The following ARHGEF33 variants were observed in gnomAD, a reference collection of about 807,000 sequenced individuals.
ARHGEF33 encodes Rho guanine nucleotide exchange factor 33.
A neutral mutation model predicts 101.9 loss-of-function variants in ARHGEF33; 72 were observed. That is an observed-to-expected ratio of 0.71 (90% CI 0.58 to 0.86). The LOEUF is 0.86. ARHGEF33 is among the 40% of genes least tolerant of loss of function. The probability of loss-of-function intolerance (pLI) is 0.00; values close to 1 mark genes in which losing one functional copy is unlikely to be tolerated. For synonymous variants in ARHGEF33, 499 were observed against 442.5 expected, an observed-to-expected ratio of 1.13 and a Z score of -1.60; for missense variants, 1,169 against 1,111.3, an observed-to-expected ratio of 1.05 and a Z score of -0.74.
intron 2 of ARHGEF33, among the ~76,000 whole-genome samples, chr2:38,901,127 G>A (rs1207403044): frequency 6.6e-6 from 1 of 151,992 alleles, no homozygotes; most frequent in Non-Finnish European, 1.5e-5. Flanking sequence ...GGGGCTTATC[G>A]GAGCATTTCT....
At chr2:38,906,900 G>C (rs1666404694) in intron 2 of ARHGEF33, among the ~76,000 whole-genome samples, 1 of 151,908 alleles carries the variant, frequency 6.6e-6, no homozygotes, top group Non-Finnish European at 1.5e-5. Context: ...CAAGGCTGCA[G>C]TGAGCCATGA....
chr2:38,935,306 A>G (rs1177621789), intron 7 of ARHGEF33, among the ~76,000 whole-genome samples: 1 of 142,430 alleles, frequency 7.0e-6, no homozygotes, highest in Admixed American at 7.2e-5. Flanking sequence ...TTAGCCTCCC[A>G]GGTAGCTGGG....
chr2:38,927,002 T>C (rs887321886), intron 4 of ARHGEF33, among the ~76,000 whole-genome samples: 1 of 152,218 alleles, frequency 6.6e-6, no homozygotes, highest in Non-Finnish European at 1.5e-5. Context: ...GTTGATCTGG[T>C]GATTTAATCC....
chr2:38,959,812 C>T (rs1401101685), intron 15 of ARHGEF33, 29 bp from the exon 16 acceptor site: 24 of 1,509,536 alleles, frequency 1.6e-5, no homozygotes, highest in African/African-American at 2.8e-5. Context: ...GTAAGCACAG[C>T]TCTTTTGTAC....
chr2:38,925,533 G>C (rs1247776463), intron 4 of ARHGEF33, among the ~76,000 whole-genome samples: 1 of 152,182 alleles, frequency 6.6e-6, no homozygotes, highest in African/African-American at 2.4e-5. Flanking sequence ...GATTTGAAGG[G>C]TCAGCTTCTG....
chr2:38,938,377 A>AC, intron 9 of ARHGEF33, among the ~76,000 whole-genome samples: 1 of 152,142 alleles, frequency 6.6e-6, no homozygotes, highest in Admixed American at 6.5e-5. Context: ...TCTACAAAAA[A>AC]TAAAAAAACA....
intron 2 of ARHGEF33, among the ~76,000 whole-genome samples, chr2:38,900,321 C>T (rs1666211911): frequency 6.6e-6 from 1 of 151,992 alleles, no homozygotes; most frequent in Non-Finnish European, 1.5e-5. Context: ...AGGATAGGGG[C>T]AAGCTTCATA....
chr2:38,891,448 G>A (rs779660010), intron 1 of ARHGEF33, among the ~76,000 whole-genome samples: 5 of 150,388 alleles, frequency 3.3e-5, no homozygotes, highest in South Asian at 2.1e-4. Context: ...TAACCTTTTC[G>A]GTGTCAAGAA....
At chr2:38,933,317 T>C (rs930831623) in intron 7 of ARHGEF33, among the ~76,000 whole-genome samples, 1 of 152,198 alleles carries the variant, frequency 6.6e-6, no homozygotes, top group African/African-American at 2.4e-5. Flanking sequence ...GGCAGCTAGC[T>C]TCTCCCAGGG....
rs115427433 is a variant in ARHGEF33 at position 38,942,131 on chromosome 2, C to G, written c.791-1770C>G. On this transcript the variant is annotated intron_variant, in intron 9 of 17. Transcript: ENST00000409978. ...TTGATTTCTCAACTGCCATCTTTTG[C>G]TCTTCTATTTTTCTTCAATACATCT... 8.6e-3 allele frequency among the ~76,000 whole-genome samples: 1,254 copies of G among 145,500 alleles called. 17 individuals carry two copies. The highest frequency in any genetic ancestry group is 0.03 in the African/African-American group (1,175 of 39,588).
chr2:38,961,543 C>T (rs113266233), intron 16 of ARHGEF33, among the ~76,000 whole-genome samples: 1,813 of 152,220 alleles, frequency 0.012, 12 homozygotes, highest in Middle Eastern at 0.048. Context: ...CCTGTGCGAC[C>T]ACCCTTCCGT....
At chr2:38,954,877 G>C (rs915413863) in intron 13 of ARHGEF33, among the ~76,000 whole-genome samples, 1 of 152,056 alleles carries the variant, frequency 6.6e-6, no homozygotes, top group African/African-American at 2.4e-5. Context: ...CAAGTGATCT[G>C]CCCGCCTCAG....
At chr2:38,895,628 A>T (rs185433080) in intron 1 of ARHGEF33, 149 bp from the exon 2 acceptor site, 1 of 152,142 alleles carries the variant, frequency 6.6e-6, no homozygotes. Context: ...TTTTTACTTT[A>T]TATGTTTTTT....
At chr2:38,907,985 A>G (rs1432703707) in intron 2 of ARHGEF33, among the ~76,000 whole-genome samples, 1 of 151,262 alleles carries the variant, frequency 6.6e-6, no homozygotes, top group Non-Finnish European at 1.5e-5. Context: ...CAGCCTCTCA[A>G]CTTGCTGGGA....
chr2:38,937,333 A>T lies in ARHGEF33; in HGVS notation c.566-2A>T. 2.0e-6 allele frequency: 1 copy of T among 510,344 alleles called. No homozygotes were observed. Among genetic ancestry groups the T allele is most frequent in the Non-Finnish European group, 3.3e-6 (1 of 298,742 alleles). 31.6% of individuals were successfully genotyped at this position (510,344 alleles called of 1,614,324 possible). On this transcript the variant is annotated splice_acceptor_variant, in intron 8 of 17. Coordinates refer to ENST00000409978, the MANE Select transcript of ARHGEF33 (RefSeq NM_001145451.5). LOFTEE classifies it high-confidence loss of function. ...TCCCCGCCCCTCCCCCCACCCCACC[A>T]GGAGTGAACCCAACAACTCCAGAAG...
At chr2:38,921,036 T>C in intron 3 of ARHGEF33, among the ~76,000 whole-genome samples, 1 of 152,162 alleles carries the variant, frequency 6.6e-6, no homozygotes, top group East Asian at 1.9e-4. Context: ...TCAATTCCAG[T>C]TAGCCTCAAG....
In ARHGEF33 at chr2:38,958,260, C is replaced by G. The variant is rs538035100; in HGVS notation, c.1535+62C>G. Reference sequence around the variant, plus strand: ...GCCTTTGGGACCCAGCCAGTCTGTGCGGGTTAGCAGGGCAGCCTAGATTCC... The same window carrying G: ...GCCTTTGGGACCCAGCCAGTCTGTGGGGGTTAGCAGGGCAGCCTAGATTCC... On this transcript the variant is annotated intron_variant, in intron 15 of 17. Transcript: ENST00000409978. 8 of 1,533,934 alleles carry G rather than the reference C, an allele frequency of 5.2e-6. No homozygotes were observed. The Admixed American group carries it at 1.6e-4, about 30-fold the overall frequency.
intron 11 of ARHGEF33, 21 bp downstream of exon 11, chr2:38,951,142 C>G (rs759052337): frequency 1.0e-4 from 159 of 1,549,432 alleles, no homozygotes; most frequent in Non-Finnish European, 1.3e-4. Context: ...TTCTGCCCCT[C>G]TATACATTTT....
chr2:38,944,947 A>G (rs558320316), intron 10 of ARHGEF33, among the ~76,000 whole-genome samples: 7 of 151,362 alleles, frequency 4.6e-5, no homozygotes, highest in East Asian at 3.9e-4. Flanking sequence ...CGCTTTCCCA[A>G]TGCCGCAACA....
Sources: gnomAD v4.1 joint callset for allele counts (sites outside exome capture counted in the v4.1 genomes callset) on GRCh38, gnomAD v4.1.1 for gene constraint, MANE v1.5 for transcripts, NCBI Gene and HGNC (gene_info 2026-07-23, HGNC 2026-07-21) for gene names.